TDRD9: variants seen among roughly 807,000 people sequenced by gnomAD.
TDRD9 encodes ATP-dependent RNA helicase TDRD9.
A neutral mutation model predicts 172.6 loss-of-function variants in TDRD9; 124 were observed. That is an observed-to-expected ratio of 0.72 (90% confidence interval 0.62 to 0.83). The LOEUF (loss-of-function observed/expected upper bound fraction) is 0.83. Ranked by LOEUF, TDRD9 falls within the 40% of genes least tolerant of loss-of-function variation. The pLI, the probability that TDRD9 is intolerant of heterozygous loss-of-function variation, is 0.00. For missense variants in TDRD9, 1,479 were observed against 1,714.1 expected (o/e 0.86, Z 2.42); for synonymous variants, 619 against 617.1 (o/e 1.00, Z -0.05).
chr14:104,007,644 T>C (rs1185389026), intron 19 of TDRD9, among the ~76,000 whole-genome samples: 1 of 152,026 alleles, frequency 6.6e-6, no homozygotes, highest in Non-Finnish European at 1.5e-5. Flanking sequence ...TTATTGTTTT[T>C]TTTTTTTGGT....
intron 8 of TDRD9, among the ~76,000 whole-genome samples, chr14:103,989,827 G>A (rs2033803873): frequency 6.6e-6 from 1 of 152,230 alleles, no homozygotes; most frequent in Non-Finnish European, 1.5e-5. Context: ...CAACCCTGGA[G>A]GGACTGGAGA....
Position 104,006,429 on chromosome 14 carries a change from A to AC in TDRD9, c.1759dup (p.His587ProfsTer2). On this transcript the variant is annotated frameshift_variant, in exon 16 of 36. Transcript: ENST00000409874. LOFTEE classifies it high-confidence loss of function. ...GTGAGTGGGCAGAGAGAAGATGAAA[A>AC]CCCCCATGATGGTGAATTGACCTTC... is the stretch of plus-strand genomic sequence containing the variant. 2 of 1,613,370 alleles carry AC rather than the reference A, an allele frequency of 1.2e-6. No homozygotes were observed. The highest frequency in any genetic ancestry group is 1.7e-6 in the Non-Finnish European group (2 of 1,179,740).
chr14:103,936,740 C>A (rs2030789837), intron 1 of TDRD9, among the ~76,000 whole-genome samples: 1 of 152,176 alleles, frequency 6.6e-6, no homozygotes, highest in Non-Finnish European at 1.5e-5. Flanking sequence ...CAACCTTACT[C>A]CCCAGTAATC....
At chr14:103,982,437 A>G (rs949884070) in intron 7 of TDRD9, among the ~76,000 whole-genome samples, 3 of 152,060 alleles carry the variant, frequency 2.0e-5, no homozygotes, top group African/African-American at 7.2e-5. Context: ...GGTAAGTCCT[A>G]GACTTACCTG....
At position 103,966,818 on chromosome 14, in the gene TDRD9, T is replaced by C. The variant is rs1435223330; in HGVS notation, c.752T>C (p.Ile251Thr). The C allele has an allele frequency of 5.2e-6, 8 of 1,550,010 alleles. No individual in the cohort carries two copies. Among genetic ancestry groups the C allele is most frequent in the Non-Finnish European group, 6.1e-6 (7 of 1,146,328 alleles). The change falls in exon 5 of 36, where the codon ATC becomes ACC. Residue 251 changes from isoleucine to threonine, a missense_variant. Ile to Thr is a moderately conservative substitution (Grantham distance 89). This residue lies in a region of TDRD9 where 1,413 missense variants were observed against 1,649.1 expected (regional missense o/e 0.86). Transcript: ENST00000409874. Reference protein sequence around the residue: ...SAKSLMEFTHIIIDEVHERTE... With the variant: ...SAKSLMEFTHTIIDEVHERTE... ...AAGAGTTTGATGGAATTCACACATA[T>C]CATCATTGATGAAGTAAGTGATGTC...
Position 104,049,097 on chromosome 14 carries a change from G to GGTAT in TDRD9, c.3975-488_3975-485dup, listed in dbSNP as rs199759056. On this transcript the variant is annotated intron_variant, in intron 34 of 35. Coordinates refer to ENST00000409874, the MANE Select transcript of TDRD9 (RefSeq NM_153046.3). Reference sequence around the variant, plus strand: ...CCAGAGCCTTCAAATGGTTGTTGTTGGTATGTATGTATGTATGTATGTATG... The same window carrying GGTAT: ...CCAGAGCCTTCAAATGGTTGTTGTTGGTATGTATGTATGTATGTATGTATGTATG... Among the ~76,000 whole-genome samples the GGTAT allele has an allele frequency of 7.2e-4, 106 of 147,762 alleles. 2 individuals are homozygous for GGTAT. Among genetic ancestry groups the GGTAT allele is most frequent in the Middle Eastern group, 3.4e-3 (1 of 292 alleles).
At position 104,026,149 on chromosome 14, in the gene TDRD9, A is replaced by G. The variant is rs761055748; in HGVS notation, c.3021+13A>G. On this transcript the variant is annotated intron_variant, in intron 27 of 35. Transcript: ENST00000409874. ...ACTTCCTTTCCAGGTAAGGTAGAGA[A>G]GACTCTAGGGAATGAATGCTGCATG... The G allele has an allele frequency of 6.5e-7, 1 of 1,538,650 alleles. No individual in the cohort carries two copies. The highest frequency in any genetic ancestry group is 1.1e-5 in the South Asian group (1 of 89,462).
At chr14:104,040,661 G>C (rs2035587025) in intron 33 of TDRD9, among the ~76,000 whole-genome samples, 1 of 152,234 alleles carries the variant, frequency 6.6e-6, no homozygotes, top group South Asian at 2.1e-4. Context: ...TCCAAGTCAG[G>C]AAGTGGAACA....
At chr14:104,014,332 T>A (rs558736226) in intron 20 of TDRD9, among the ~76,000 whole-genome samples, 158 of 151,934 alleles carry the variant, frequency 1.0e-3, no homozygotes, top group Admixed American at 2.9e-3. Flanking sequence ...CAGGCTGTAG[T>A]ACAGTGACAC....
intron 2 of TDRD9, among the ~76,000 whole-genome samples, chr14:103,957,340 C>A (rs1300922667): frequency 6.6e-6 from 1 of 152,162 alleles, no homozygotes; most frequent in African/African-American, 2.4e-5. Context: ...TTTCATCAGC[C>A]CTTTGGTGCT....
chr14:104,003,857 C>T (rs1269230298), intron 13 of TDRD9, among the ~76,000 whole-genome samples: 2 of 152,048 alleles, frequency 1.3e-5, no homozygotes, highest in African/African-American at 2.4e-5. Flanking sequence ...TAGGGCCTGT[C>T]GCCAACCTCG....
intron 30 of TDRD9, among the ~76,000 whole-genome samples, chr14:104,032,744 T>G (rs200119320): frequency 2.0e-5 from 3 of 152,318 alleles, no homozygotes; most frequent in East Asian, 1.9e-4. Context: ...GTTGTTTGTC[T>G]TCATGAAAAT....
intron 1 of TDRD9, among the ~76,000 whole-genome samples, chr14:103,944,077 A>C (rs958250890): frequency 3.9e-5 from 6 of 152,212 alleles, no homozygotes; most frequent in Non-Finnish European, 7.3e-5. Context: ...TTGTTACTGC[A>C]TAAATTTTTT....
rs565525945 is a variant in TDRD9 at position 103,999,931 on chromosome 14, A to T, written c.1483+1203A>T. Among the ~76,000 whole-genome samples, 6 of 152,258 alleles carry T rather than the reference A, an allele frequency of 3.9e-5. No homozygotes were observed. In the East Asian group the frequency reaches 1.2e-3, roughly 29 times the overall value. On this transcript the variant is annotated intron_variant, in intron 13 of 35. Transcript: ENST00000409874. ...TGGTGGGAATGAGGTTTGAACCCAG[A>T]AATCTGGCTTTGGTCTACATTCTTA...
At chr14:104,049,094 GTTGGTAT>G (rs1439789323) in intron 34 of TDRD9, among the ~76,000 whole-genome samples, 1 of 140,228 alleles carries the variant, frequency 7.1e-6, no homozygotes, top group Non-Finnish European at 1.6e-5. Flanking sequence ...AATGGTTGTT[GTTGGTAT>G]GTATGTATGT....
chr14:104,017,665 T>C (rs28514602), intron 22 of TDRD9, among the ~76,000 whole-genome samples: 3,379 of 152,362 alleles, frequency 0.022, 144 homozygotes, highest in Admixed American at 0.12. Context: ...AATTTGATCA[T>C]GTGCTATTTG....
At chr14:103,987,445 T>C (rs745907696) in intron 8 of TDRD9, among the ~76,000 whole-genome samples, 2 of 152,216 alleles carry the variant, frequency 1.3e-5, no homozygotes, top group Non-Finnish European at 2.9e-5. Context: ...TTCTGCTATG[T>C]TGTGTCTTCA....
intron 2 of TDRD9, among the ~76,000 whole-genome samples, chr14:103,959,478 G>GTA (rs2032399457): frequency 7.4e-6 from 1 of 134,520 alleles, no homozygotes; most frequent in Non-Finnish European, 1.6e-5. Flanking sequence ...GTGTGTGTGT[G>GTA]TGTATGTATA....
chr14:104,021,420 C>T (rs914895990), intron 23 of TDRD9, among the ~76,000 whole-genome samples: 7 of 152,128 alleles, frequency 4.6e-5, no homozygotes, highest in African/African-American at 1.4e-4. Context: ...TTGGCCCAGG[C>T]GCTGTGGCTC....
Sources: allele counts gnomAD v4.1 joint callset (sites outside exome capture counted in the v4.1 genomes callset), GRCh38; gene constraint gnomAD v4.1.1; regional missense constraint gnomAD v4.1.1; transcripts MANE v1.5; gene names NCBI Gene and HGNC (gene_info 2026-07-23, HGNC 2026-07-21).